CDYL2: variants seen among roughly 807,000 people sequenced by gnomAD.
CDYL2 encodes chromodomain Y-like protein 2.
In CDYL2, 23 loss-of-function variants were observed where a neutral mutation model predicts 49.4. The ratio of observed to expected loss-of-function variants is 0.47; its 90% CI spans 0.34 to 0.66. The LOEUF (loss-of-function observed/expected upper bound fraction) is 0.66. Among genes scored for constraint, CDYL2 ranks in the 30% least tolerant of loss-of-function variants. The pLI is 0.01. For synonymous variants in CDYL2, 360 were observed against 268.8 expected (o/e 1.34, Z -3.32); for missense variants, 678 against 656.4 (o/e 1.03, Z -0.36).
chr16:80,776,934 C>T (rs1330334309), intron 1 of CDYL2, among the ~76,000 whole-genome samples: 2 of 151,818 alleles, frequency 1.3e-5, no homozygotes, highest in South Asian at 2.1e-4. Context: ...TCTCCTGCCT[C>T]GGCCTCCCGA....
At chr16:80,771,529 C>T (rs1192844895) in intron 1 of CDYL2, among the ~76,000 whole-genome samples, 1 of 152,154 alleles carries the variant, frequency 6.6e-6, no homozygotes, top group Admixed American at 6.5e-5. Flanking sequence ...CATGGTGAAA[C>T]CCCGTATCTA....
intron 1 of CDYL2, among the ~76,000 whole-genome samples, chr16:80,734,316 C>T (rs1217308570): frequency 6.6e-6 from 1 of 152,146 alleles, no homozygotes; most frequent in East Asian, 1.9e-4. Context: ...AGTAGGACTT[C>T]GGGGTCATAA....
At chr16:80,640,145 G>A (rs751274807) in intron 2 of CDYL2, among the ~76,000 whole-genome samples, 5 of 152,188 alleles carry the variant, frequency 3.3e-5, no homozygotes, top group Non-Finnish European at 7.3e-5. Flanking sequence ...GGGTGGCTAA[G>A]GGAGTGCTGG....
At chr16:80,663,176 C>T (rs1374465025) in intron 2 of CDYL2, among the ~76,000 whole-genome samples, 1 of 151,212 alleles carries the variant, frequency 6.6e-6, no homozygotes, top group East Asian at 1.9e-4. Flanking sequence ...CCCAGTGTTC[C>T]AATCACTCTT....
intron 1 of CDYL2, among the ~76,000 whole-genome samples, chr16:80,733,623 C>G (rs1246537690): frequency 1.3e-5 from 2 of 152,116 alleles, no homozygotes; most frequent in Non-Finnish European, 2.9e-5. Context: ...TTGGATGTGC[C>G]TCTTCGCAAG....
At chr16:80,669,741 G>T (rs928309729) in intron 2 of CDYL2, among the ~76,000 whole-genome samples, 2 of 152,186 alleles carry the variant, frequency 1.3e-5, no homozygotes, top group Non-Finnish European at 2.9e-5. Flanking sequence ...CTCCCTGCAT[G>T]GTCGCTGCAA....
intron 1 of CDYL2, among the ~76,000 whole-genome samples, chr16:80,711,930 G>A (rs188591371): frequency 1.8e-4 from 28 of 151,632 alleles, no homozygotes; most frequent in African/African-American, 6.8e-4. Context: ...ACCGACAGGG[G>A]AGAAGGACAC....
chr16:80,610,538 A>C (rs545454058), intron 5 of CDYL2, among the ~76,000 whole-genome samples: 1 of 152,216 alleles, frequency 6.6e-6, no homozygotes, highest in Non-Finnish European at 1.5e-5. Context: ...GAGAGAAAGG[A>C]GATTCTTGGG....
At chr16:80,669,893 G>A (rs1001315123) in intron 2 of CDYL2, among the ~76,000 whole-genome samples, 3 of 152,274 alleles carry the variant, frequency 2.0e-5, no homozygotes, top group East Asian at 3.9e-4. Context: ...ACTGCAGAGC[G>A]GCCACGACCC....
intron 1 of CDYL2, among the ~76,000 whole-genome samples, chr16:80,728,824 A>G (rs1905243138): frequency 6.6e-6 from 1 of 151,910 alleles, no homozygotes; most frequent in Non-Finnish European, 1.5e-5. Flanking sequence ...AGAATTTTCA[A>G]CCCAGAATTT....
rs560242468 is a variant in CDYL2 at position 80,612,104 on chromosome 16, G to A, written c.1218+522C>T. ...GCAGGCGCATGTGACCAGAAGCTGA[G>A]TCATGGCCAATACCACATGAGTGGA... On this transcript the variant is annotated intron_variant, in intron 5 of 6. Coordinates refer to ENST00000570137, the MANE Select transcript of CDYL2 (RefSeq NM_152342.4). The surrounding 1 kb of genome is among the most constrained non-coding windows in gnomAD (Gnocchi z 5.0). Among the ~76,000 whole-genome samples the A allele has an allele frequency of 6.6e-6, 1 of 152,230 alleles. No homozygotes were observed. Among genetic ancestry groups the A allele is most frequent in the Non-Finnish European group, 1.5e-5 (1 of 68,046 alleles).
intron 1 of CDYL2, among the ~76,000 whole-genome samples, chr16:80,749,498 A>G (rs1311873460): frequency 6.6e-6 from 1 of 152,204 alleles, no homozygotes; most frequent in Non-Finnish European, 1.5e-5. Flanking sequence ...CCAGAAAACA[A>G]TGAAAAGCAA....
Position 80,608,086 on chromosome 16 carries a change from A to C in CDYL2, c.1362+6T>G. 3 of 1,569,928 alleles carry C rather than the reference A, an allele frequency of 1.9e-6. No individual in the cohort carries two copies. Among genetic ancestry groups the C allele is most frequent in the Non-Finnish European group, 2.6e-6 (3 of 1,156,424 alleles). ...GGACAAGCACGCAGGAGGCGCAGGA[A>C]CTCACCACGGCACTGCAGGATGCCA... On this transcript the variant is annotated splice_donor_region_variant and intron_variant, in intron 6 of 6. Coordinates refer to ENST00000570137, the MANE Select transcript of CDYL2 (RefSeq NM_152342.4).
intron 2 of CDYL2, among the ~76,000 whole-genome samples, chr16:80,676,102 G>A (rs549198880): frequency 3.3e-5 from 5 of 152,148 alleles, no homozygotes; most frequent in Non-Finnish European, 5.9e-5. Context: ...TTAAAGAGTC[G>A]GATTTCCCAT....
chr16:80,736,256 CATTT>C (rs1905524502), intron 1 of CDYL2: 1 of 152,242 alleles, frequency 6.6e-6, no homozygotes, highest in Non-Finnish European at 1.5e-5. Flanking sequence ...AACATGTTCT[CATTT>C]GTCTGTTCTC....
At chr16:80,727,800 C>G (rs376863221) in intron 1 of CDYL2, among the ~76,000 whole-genome samples, 1 of 152,206 alleles carries the variant, frequency 6.6e-6, no homozygotes. Flanking sequence ...CCCTAACCCC[C>G]GAGCAGCCTA....
intron 1 of CDYL2, among the ~76,000 whole-genome samples, chr16:80,727,780 G>T (rs1192935359): frequency 6.6e-6 from 1 of 152,190 alleles, no homozygotes; most frequent in African/African-American, 2.4e-5. Context: ...TCCTCAAGTG[G>T]GTCCCTGACC....
At chr16:80,692,563 G>A (rs1029586589) in intron 1 of CDYL2, among the ~76,000 whole-genome samples, 11 of 152,194 alleles carry the variant, frequency 7.2e-5, no homozygotes, top group African/African-American at 2.4e-4. Flanking sequence ...TAGGATTAAT[G>A]CTATACAATG....
At chr16:80,762,627 T>G (rs183917813) in intron 1 of CDYL2, among the ~76,000 whole-genome samples, 249 of 152,326 alleles carry the variant, frequency 1.6e-3, no homozygotes, top group Non-Finnish European at 2.9e-3. Context: ...ACCTGCTAAT[T>G]CACCTACTGT....
Sources: gnomAD v4.1 joint callset for allele counts (sites outside exome capture counted in the v4.1 genomes callset) on GRCh38, gnomAD v4.1.1 for gene constraint, Gnocchi (gnomAD v3.1) non-coding constraint, MANE v1.5 for transcripts, NCBI Gene and HGNC (gene_info 2026-07-23, HGNC 2026-07-21) for gene names.